Variants in CALN1 observed in about 807,000 individuals in gnomAD.
The protein encoded by CALN1 is calneuron 1.
Under a neutral mutation model 30.6 loss-of-function variants are expected in CALN1, and 17 were observed. The observed-to-expected ratio is 0.56, with a 90% CI of 0.38 to 0.83. CALN1 has a LOEUF of 0.83. Among genes scored for constraint, CALN1 ranks in the 40% least tolerant of loss-of-function variants. The pLI is 0.00. For missense variants in CALN1, 291 were observed against 354.9 expected (o/e 0.82, Z 1.45); for synonymous variants, 156 against 131.4 (o/e 1.19, Z -1.28).
chr7:72,354,020 C>T (rs1180861859), intron 2 of CALN1, among the ~76,000 whole-genome samples: 1 of 152,224 alleles, frequency 6.6e-6, no homozygotes, highest in Admixed American at 6.5e-5. Context: ...AATCCCATCT[C>T]TACTAAAAAT....
intron 5 of CALN1, among the ~76,000 whole-genome samples, chr7:71,944,581 T>A (rs1270711466): frequency 6.2e-5 from 1 of 16,124 alleles, no homozygotes. Flanking sequence ...GCAATAAGAG[T>A]AAAACTCCAT....
intron 3 of CALN1, among the ~76,000 whole-genome samples, chr7:72,270,571 A>T (rs1796909858): frequency 1.3e-5 from 2 of 152,156 alleles, no homozygotes; most frequent in Admixed American, 6.5e-5. Flanking sequence ...CTGGAGTTCA[A>T]GACAAGCCTG....
chr7:72,482,012 G>T, the CALN1 span, among the ~76,000 whole-genome samples: 1 of 152,218 alleles, frequency 6.6e-6, no homozygotes, highest in Admixed American at 6.5e-5. Flanking sequence ...TTGTGAATTT[G>T]TCTATTTTTC....
intron 3 of CALN1, among the ~76,000 whole-genome samples, chr7:72,139,483 C>A (rs1172627080): frequency 6.6e-6 from 1 of 151,456 alleles, no homozygotes; most frequent in Non-Finnish European, 1.5e-5. Flanking sequence ...CCACACCCAC[C>A]CCTCTTCTAC....
chr7:72,340,370 T>G (rs1802325144), intron 2 of CALN1, among the ~76,000 whole-genome samples: 1 of 151,692 alleles, frequency 6.6e-6, no homozygotes, highest in African/African-American at 2.4e-5. Flanking sequence ...TGAGCCCATG[T>G]GGGCCTCTGC....
chr7:72,055,162 A>G (rs1451207687), intron 4 of CALN1, among the ~76,000 whole-genome samples: 1 of 151,980 alleles, frequency 6.6e-6, no homozygotes, highest in East Asian at 1.9e-4. Flanking sequence ...TATTATTACT[A>G]TTTCATGTCC....
At chr7:72,025,178 T>C (rs1414684883) in intron 4 of CALN1, among the ~76,000 whole-genome samples, 3 of 152,018 alleles carry the variant, frequency 2.0e-5, no homozygotes, top group Non-Finnish European at 4.4e-5. Context: ...GGTGTGGTTG[T>C]CCATGCCTGT....
intron 6 of CALN1, among the ~76,000 whole-genome samples, chr7:71,799,551 C>T (rs1164213005): frequency 6.6e-6 from 1 of 152,014 alleles, no homozygotes; most frequent in Non-Finnish European, 1.5e-5. Flanking sequence ...CTGCAACCTC[C>T]ACCTCCTGGA....
chr7:72,326,725 G>A (rs886486944), intron 2 of CALN1, among the ~76,000 whole-genome samples: 10 of 152,142 alleles, frequency 6.6e-5, no homozygotes, highest in Non-Finnish European at 1.0e-4. Context: ...CATGAGGTTC[G>A]GAGCATTTTC....
chr7:72,350,014 C>T lies in CALN1; in HGVS notation c.119+53237G>A, dbSNP rs77116876. 3.2e-3 allele frequency among the ~76,000 whole-genome samples: 492 copies of T among 152,278 alleles called. 3 individuals carry two copies. The highest frequency in any genetic ancestry group is 0.017 in the Middle Eastern group (5 of 294). ...GTCATTAAATCTTTGTCAGGATCTA[C>T]GTCCAGAATGGTATCTTCTAGGTTT... On this transcript the variant is annotated intron_variant, in intron 2 of 6. Transcript: ENST00000395275.
At chr7:72,308,366 G>GC (rs1799796884) in intron 2 of CALN1, among the ~76,000 whole-genome samples, 1 of 95,306 alleles carries the variant, frequency 1.0e-5, no homozygotes, top group Non-Finnish European at 2.1e-5. Flanking sequence ...GCTGTCTGTG[G>GC]GGGGGGGAGA....
chr7:71,929,072 A>C (rs566114163), intron 5 of CALN1, among the ~76,000 whole-genome samples: 1 of 152,234 alleles, frequency 6.6e-6, no homozygotes, highest in Non-Finnish European at 1.5e-5. Flanking sequence ...CACTTAGCAT[A>C]ATGTTTTATT....
intron 3 of CALN1, among the ~76,000 whole-genome samples, chr7:72,126,948 G>A (rs991816969): frequency 1.4e-4 from 21 of 151,944 alleles, no homozygotes; most frequent in South Asian, 2.1e-4. Context: ...CCATGTAACC[G>A]AAAACCACCT....
At chr7:72,338,470 AGTGTGT>A (rs56695086) in intron 2 of CALN1, among the ~76,000 whole-genome samples, 3,237 of 74,702 alleles carry the variant, frequency 0.043, 88 homozygotes, top group Middle Eastern at 0.12. Context: ...CCAGCAGCAC[AGTGTGT>A]GTGTGTGTGT....
At chr7:71,810,290 T>A in intron 6 of CALN1, 46 bp downstream of exon 6, 1 of 1,593,692 alleles carries the variant, frequency 6.3e-7, no homozygotes, top group South Asian at 1.1e-5. Flanking sequence ...GTGTGGTGCA[T>A]TGGCCTGTCC....
intron 5 of CALN1, among the ~76,000 whole-genome samples, chr7:71,816,682 G>T (rs1788281430): frequency 6.6e-6 from 1 of 152,148 alleles, no homozygotes; most frequent in Non-Finnish European, 1.5e-5. Flanking sequence ...AGGTGTGGTG[G>T]CTTATGCCTG....
intron 3 of CALN1, among the ~76,000 whole-genome samples, chr7:72,151,173 A>G (rs1269773049): frequency 6.6e-6 from 1 of 152,168 alleles, no homozygotes; most frequent in African/African-American, 2.4e-5. Flanking sequence ...TCTGGGGGCT[A>G]GAATTTGCCA....
intron 4 of CALN1, among the ~76,000 whole-genome samples, chr7:72,078,404 A>G (rs937975146): frequency 6.6e-6 from 1 of 152,260 alleles, no homozygotes; most frequent in Non-Finnish European, 1.5e-5. Context: ...GGGAGTCTTA[A>G]GTAAGGCCTC....
At chr7:72,431,929 G>A (rs1347493575) in intron 1 of CALN1, among the ~76,000 whole-genome samples, 1 of 151,998 alleles carries the variant, frequency 6.6e-6, no homozygotes, top group Non-Finnish European at 1.5e-5. Flanking sequence ...TAATCTTGAG[G>A]AATATTACAA....
Sources: allele counts gnomAD v4.1 joint callset (sites outside exome capture counted in the v4.1 genomes callset), GRCh38; gene constraint gnomAD v4.1.1; transcripts MANE v1.5; gene names NCBI Gene and HGNC (gene_info 2026-07-23, HGNC 2026-07-21).